TNRC6B: variants seen among roughly 807,000 people sequenced by gnomAD.
TNRC6B encodes trinucleotide repeat-containing gene 6B protein.
Under a neutral mutation model 203.6 loss-of-function variants are expected in TNRC6B, and 52 were observed. The observed-to-expected ratio is 0.26, with a 90% CI of 0.20 to 0.32. TNRC6B has a LOEUF of 0.32. Ranked by LOEUF, TNRC6B falls within the 10% of genes least tolerant of loss-of-function variation. The probability of loss-of-function intolerance (pLI) is 1.00; values close to 1 mark genes in which losing one functional copy is unlikely to be tolerated. For synonymous variants in TNRC6B, 838 were observed against 845.7 expected, an observed-to-expected ratio of 0.99 and a Z score of 0.16; for missense variants, 1,923 against 2,286.2, an observed-to-expected ratio of 0.84 and a Z score of 3.24.
Position 40,241,080 on chromosome 22 carries a change from C to T in TNRC6B, c.6-4935C>T, listed in dbSNP as rs1019116242. Reference sequence around the variant, plus strand: ...CCCTGGAGATTTCTATGTAATTGACCTGGGGTACTGCCTGAGCAATAGTTT... The same window carrying T: ...CCCTGGAGATTTCTATGTAATTGACTTGGGGTACTGCCTGAGCAATAGTTT... On this transcript the variant is annotated intron_variant, in intron 1 of 22. Coordinates refer to ENST00000454349, the MANE Select transcript of TNRC6B (RefSeq NM_001162501.2). Among the ~76,000 whole-genome samples the T allele has an allele frequency of 3.9e-4, 59 of 152,252 alleles. 1 individual carries two copies. Among genetic ancestry groups the T allele is most frequent in the Admixed American group, 3.3e-3 (51 of 15,292 alleles).
In TNRC6B at chr22:40,221,761, C is replaced by T. The variant is rs73165071; in HGVS notation, c.6-24254C>T. On this transcript the variant is annotated intron_variant, in intron 1 of 22. Transcript: ENST00000454349. ...GCCCACCTTCTTATTGCCCCCCCCC[C>T]TTTTTTTTTTTTGACTCCTGTCTAC... 8.6e-4 allele frequency among the ~76,000 whole-genome samples: 115 copies of T among 134,266 alleles called. 2 individuals are homozygous for T. The highest frequency in any genetic ancestry group is 1.3e-3 in the Admixed American group (17 of 13,254). 88.1% of individuals were successfully genotyped at this position (134,266 alleles called of 152,430 possible). A position where few individuals can be genotyped will look rare whatever the true frequency, so the allele number is the denominator to read the frequency against.
At chr22:40,214,604 G>A (rs2069609940) in intron 1 of TNRC6B, among the ~76,000 whole-genome samples, 1 of 151,340 alleles carries the variant, frequency 6.6e-6, no homozygotes, top group East Asian at 1.9e-4. Context: ...CTGTTGCCCA[G>A]GCTGGAGTGC....
chr22:40,310,755 AAATAG>A (rs2071166351), intron 16 of TNRC6B, 57 bp from the exon 17 acceptor site: 1 of 1,486,196 alleles, frequency 6.7e-7, no homozygotes, highest in Non-Finnish European at 9.1e-7. Flanking sequence ...AGCGAATAAA[AAATAG>A]ACAAGTTCTA....
intron 12 of TNRC6B, among the ~76,000 whole-genome samples, chr22:40,297,564 C>T (rs2070960861): frequency 1.3e-5 from 2 of 152,208 alleles, no homozygotes; most frequent in Non-Finnish European, 2.9e-5. Flanking sequence ...TGGCTCACGC[C>T]TGTAATCCCA....
intron 1 of TNRC6B, among the ~76,000 whole-genome samples, chr22:40,238,566 A>G (rs1453956043): frequency 6.6e-6 from 1 of 151,850 alleles, no homozygotes; most frequent in African/African-American, 2.4e-5. Context: ...CAGATACACC[A>G]ATCTCACTGA....
chr22:40,143,714 T>C (rs1374120103), intron 3 of TNRC6B, among the ~76,000 whole-genome samples: 1 of 152,152 alleles, frequency 6.6e-6, no homozygotes, highest in South Asian at 2.1e-4. Flanking sequence ...GCCAGGATGG[T>C]CTCGATCTCC....
At chr22:40,212,046 C>A (rs2069571818) in intron 1 of TNRC6B, among the ~76,000 whole-genome samples, 2 of 152,196 alleles carry the variant, frequency 1.3e-5, no homozygotes, top group African/African-American at 4.8e-5. Context: ...CATGGTTCCT[C>A]ACCAAGATGA....
At chr22:40,296,853 C>A (rs1314708694) in intron 12 of TNRC6B, among the ~76,000 whole-genome samples, 1 of 152,160 alleles carries the variant, frequency 6.6e-6, no homozygotes, top group Non-Finnish European at 1.5e-5. Context: ...GTCTCAAACT[C>A]CTGGCCTCAA....
intron 8 of TNRC6B, 63 bp from the exon 9 acceptor site, chr22:40,277,936 G>A (rs868352647): frequency 1.5e-6 from 2 of 1,296,968 alleles, no homozygotes; most frequent in African/African-American, 1.4e-5. Context: ...GGTGAATAAT[G>A]CCACTTCTTT....
chr22:40,320,585 A>G (rs1222795391), intron 21 of TNRC6B, among the ~76,000 whole-genome samples: 2 of 152,228 alleles, frequency 1.3e-5, no homozygotes, highest in Admixed American at 1.3e-4. Context: ...ATCGCTGAAG[A>G]TCTTAAGTGG....
At chr22:40,321,255 T>C (rs775454493) in intron 22 of TNRC6B, 26 bp downstream of exon 22, 11 of 1,608,796 alleles carry the variant, frequency 6.8e-6, no homozygotes, top group African/African-American at 2.7e-5. Flanking sequence ...TACACCCACG[T>C]AGACAAACAT....
chr22:40,100,899 G>C (rs878864370), intron 1 of TNRC6B, among the ~76,000 whole-genome samples: 1 of 152,164 alleles, frequency 6.6e-6, no homozygotes, highest in African/African-American at 2.4e-5. Flanking sequence ...TTTTTTGATA[G>C]GGTGGTTTGG....
At chr22:40,108,525 T>C (rs1022276682) in intron 1 of TNRC6B, among the ~76,000 whole-genome samples, 1 of 152,250 alleles carries the variant, frequency 6.6e-6, no homozygotes, top group African/African-American at 2.4e-5. Flanking sequence ...TCCAAGACCC[T>C]TTCAGAAGGT....
In TNRC6B at chr22:40,280,039, A is replaced by C. The variant is rs1015625311; in HGVS notation, c.3307A>C (p.Asn1103His). The part of the protein sequence containing the change: ...KKFDVDKRAM[N>H]LGDFNDIMRK... Reference sequence around the variant, plus strand: ...ATTTGATGTGGACAAGCGAGCGATGAATCTCGGGGATTTTAATGATATCAT... The same window carrying C: ...ATTTGATGTGGACAAGCGAGCGATGCATCTCGGGGATTTTAATGATATCAT... The change falls in exon 10 of 23, where the codon AAT (asparagine) becomes CAT (histidine). Residue 1103 changes from asparagine (N) to histidine (H), a missense_variant. Around this residue, in one of 8 missense-constraint regions of TNRC6B, gnomAD observed 599 missense variants for 656.5 expected, o/e 0.91. Coordinates refer to ENST00000454349, the MANE Select transcript of TNRC6B (RefSeq NM_001162501.2). The C allele has an allele frequency of 6.2e-7, 1 of 1,613,768 alleles. No homozygotes were observed.
At chr22:40,198,180 C>T (rs888795343) in intron 1 of TNRC6B, among the ~76,000 whole-genome samples, 1 of 151,984 alleles carries the variant, frequency 6.6e-6, no homozygotes, top group African/African-American at 2.4e-5. Context: ...TGCTTGAAAA[C>T]AATTAGTTTT....
intron 1 of TNRC6B, among the ~76,000 whole-genome samples, chr22:40,112,461 G>C (rs1480722628): frequency 6.6e-6 from 1 of 152,120 alleles, no homozygotes; most frequent in Admixed American, 6.5e-5. Context: ...CCCATGATAA[G>C]AAGGCTGGTT....
intron 1 of TNRC6B, among the ~76,000 whole-genome samples, chr22:40,238,242 C>T (rs537821147): frequency 1.3e-5 from 2 of 152,050 alleles, no homozygotes; most frequent in African/African-American, 2.4e-5. Flanking sequence ...CTCGACTCGC[C>T]GTTCTCTAGT....
chr22:40,306,789 C>T (rs932469421), intron 15 of TNRC6B, among the ~76,000 whole-genome samples: 6 of 152,148 alleles, frequency 3.9e-5, no homozygotes, highest in Non-Finnish European at 7.3e-5. Context: ...AGTTCTAGAC[C>T]AGCCTTGGCA....
At chr22:40,119,357 G>C (rs766571086) in intron 2 of TNRC6B, among the ~76,000 whole-genome samples, 1 of 152,214 alleles carries the variant, frequency 6.6e-6, no homozygotes, top group Admixed American at 6.5e-5. Flanking sequence ...GCCTAGGCGG[G>C]CGGATCACTT....
Sources: allele counts gnomAD v4.1 joint callset (sites outside exome capture counted in the v4.1 genomes callset), GRCh38; gene constraint gnomAD v4.1.1; regional missense constraint gnomAD v4.1.1; transcripts MANE v1.5; gene names NCBI Gene and HGNC (gene_info 2026-07-23, HGNC 2026-07-21).